Variants in OR11A1 observed in about 807,000 individuals in gnomAD.
OR11A1 encodes the protein olfactory receptor family 11 subfamily A member 1, also known as olfactory receptor 11A1.
For missense variants in OR11A1, 380 were observed against 378.2 expected (o/e 1.00, Z -0.04); for synonymous variants, 158 against 152.2 (o/e 1.04, Z -0.28).
At position 29,430,389 on chromosome 6, in the gene OR11A1, A is replaced by G. The variant is rs1435563048; in HGVS notation, c.-228T>C. On this transcript the variant is annotated 5_prime_UTR_variant, in exon 3 of 5. Transcript: ENST00000377149. Reference sequence around the variant, plus strand: ...ACTCTAGATTATTTTATCTGGTCCAAACTCATTCTGAGGCTTGGAGTCTTT... The same window carrying G: ...ACTCTAGATTATTTTATCTGGTCCAGACTCATTCTGAGGCTTGGAGTCTTT... 2.0e-6 allele frequency: 2 copies of G among 985,284 alleles called. No homozygotes were observed. Among genetic ancestry groups the G allele is most frequent in the African/African-American group, 1.7e-5 (1 of 57,200 alleles). 61.0% of individuals were successfully genotyped at this position (985,284 alleles called of 1,614,324 possible). A position where few individuals can be genotyped will look rare whatever the true frequency, so the allele number is the denominator to read the frequency against.
At chr6:29,456,058 C>G (rs539367646) in intron 1 of OR11A1, among the ~76,000 whole-genome samples, 1 of 151,314 alleles carries the variant, frequency 6.6e-6, no homozygotes, top group Non-Finnish European at 1.5e-5. Flanking sequence ...GGTGAAACAC[C>G]GTCTCTACTA....
At chr6:29,433,435 G>T (rs73398936) in intron 1 of OR11A1, among the ~76,000 whole-genome samples, 7,702 of 152,160 alleles carry the variant, frequency 0.051, 379 homozygotes, top group African/African-American at 0.12. Flanking sequence ...TGAGGTATTT[G>T]TCCTTCTGTG....
chr6:29,448,796 CT>C (rs1561818106), intron 1 of OR11A1, among the ~76,000 whole-genome samples: 2 of 152,200 alleles, frequency 1.3e-5, no homozygotes, highest in South Asian at 2.1e-4. Flanking sequence ...TAAACACCTT[CT>C]TTTTAAAAAT....
At chr6:29,443,407 G>A (rs1388247558) in intron 1 of OR11A1, among the ~76,000 whole-genome samples, 2 of 151,972 alleles carry the variant, frequency 1.3e-5, no homozygotes, top group Non-Finnish European at 2.9e-5. Flanking sequence ...CTTATATTTG[G>A]AGATTTGGCC....
Position 29,431,925 on chromosome 6 carries a change from T to G in OR11A1, c.-326A>C, listed in dbSNP as rs769597178. 26 of 985,280 alleles carry G rather than the reference T, an allele frequency of 2.6e-5. 1 individual carries two copies. The African/African-American group carries it at 3.1e-4, about 12-fold the overall frequency. The allele number at this position is 985,280 out of a possible 1,614,324, so 61.0% of individuals were successfully genotyped here. A position where few individuals can be genotyped will look rare whatever the true frequency, so the allele number is the denominator to read the frequency against. ...TGAGGAGGAGATGATCTGCTAAGAT[T>G]TGCTGAAGACTTCAGAATGTTGGAA... On this transcript the variant is annotated 5_prime_UTR_variant, in exon 2 of 5. Transcript: ENST00000377149.
In OR11A1 at chr6:29,428,956, A is replaced by G; in HGVS notation, c.-135T>C. 4.1e-6 allele frequency: 4 copies of G among 971,268 alleles called. No homozygotes were observed. The highest frequency in any genetic ancestry group is 4.9e-6 in the Non-Finnish European group (4 of 817,330). 60.2% of individuals were successfully genotyped at this position (971,268 alleles called of 1,614,324 possible). A position where few individuals can be genotyped will look rare whatever the true frequency, so the allele number is the denominator to read the frequency against. ...ATGCTATTCAAAGCAATATGTGTTT[A>G]TTAACTGAAGACAATGAGAGAGAAT... is the stretch of plus-strand genomic sequence containing the variant. On this transcript the variant is annotated 5_prime_UTR_variant, in exon 4 of 5. Coordinates refer to ENST00000377149, the MANE Select transcript of OR11A1 (RefSeq NM_001394828.1).
At chr6:29,440,179 A>G (rs1783996229) in intron 1 of OR11A1, 3 of 1,613,700 alleles carry the variant, frequency 1.9e-6, no homozygotes, top group African/African-American at 2.7e-5. Context: ...GCTGCCCTCC[A>G]GTCCCCTATG....
At chr6:29,440,750 C>G (rs138514441) in intron 1 of OR11A1, 1,064 of 1,614,006 alleles carry the variant, frequency 6.6e-4, no homozygotes, top group Non-Finnish European at 7.6e-4. Context: ...CCCACCTGAT[C>G]ATGGTCTCCC....
At chr6:29,436,911 A>G (rs1783672850) in intron 1 of OR11A1, among the ~76,000 whole-genome samples, 2 of 152,238 alleles carry the variant, frequency 1.3e-5, no homozygotes, top group African/African-American at 4.8e-5. Flanking sequence ...TCCTCGCTCA[A>G]GATGGCGCTG....
intron 1 of OR11A1, chr6:29,450,403 G>T (rs773649768): frequency 6.6e-6 from 1 of 152,154 alleles, no homozygotes; most frequent in Non-Finnish European, 1.5e-5. Flanking sequence ...ATTATGTCCC[G>T]GGTATAGAAT....
rs578201513 is a variant in OR11A1 at position 29,427,740 on chromosome 6, A to T, written c.-91-8T>A. ...AGCCTAACGTTATTAGAGCTAAAAC[A>T]AAACAAAACAAAAAAGACAAAAATG... is the stretch of plus-strand genomic sequence containing the variant. On this transcript the variant is annotated splice_region_variant and splice_polypyrimidine_tract_variant and intron_variant, in intron 4 of 4. Coordinates refer to ENST00000377149, the MANE Select transcript of OR11A1 (RefSeq NM_001394828.1). The T allele has an allele frequency of 6.9e-7, 1 of 1,457,320 alleles. No individual in the cohort carries two copies. The highest frequency in any genetic ancestry group is 2.5e-5 in the East Asian group (1 of 40,566). The allele number at this position is 1,457,320 out of a possible 1,614,324, so 90.3% of individuals were successfully genotyped here.
rs1785616775 is a variant in OR11A1, at chr6:29,453,128, G to C, written c.-389+3859C>G. Among the ~76,000 whole-genome samples the C allele has an allele frequency of 6.7e-6, 1 of 149,000 alleles. No individual in the cohort carries two copies. Among genetic ancestry groups the C allele is most frequent in the Non-Finnish European group, 1.5e-5 (1 of 67,080 alleles). On this transcript the variant is annotated intron_variant, in intron 1 of 4. Coordinates refer to ENST00000377149, the MANE Select transcript of OR11A1 (RefSeq NM_001394828.1). This position sits in a 1 kb window ranked among gnomAD's most constrained non-coding sequence, Gnocchi z 4.5. Reference sequence around the variant, plus strand: ...AACTTGCACTTTAAATATAAAGACAGCTTAATCATAAATACACTTATAGAT... The same window carrying C: ...AACTTGCACTTTAAATATAAAGACACCTTAATCATAAATACACTTATAGAT...
intron 1 of OR11A1, chr6:29,439,704 C>T (rs1194141731): frequency 5.0e-6 from 2 of 403,008 alleles, no homozygotes; most frequent in Non-Finnish European, 8.8e-6. Context: ...ACTTAATCTT[C>T]AGCCCAGGTA....
At chr6:29,440,890 G>C in intron 1 of OR11A1, 1 of 1,613,702 alleles carries the variant, frequency 6.2e-7, no homozygotes, top group Non-Finnish European at 8.5e-7. Flanking sequence ...TACAGCCTGC[G>C]GAACACAGAG....
In OR11A1 at chr6:29,440,682, AC is replaced by A. The variant is rs749413460; in HGVS notation, c.-388-8696del. The A allele has an allele frequency of 6.2e-6, 10 of 1,613,926 alleles. No individual in the cohort carries two copies. In the African/African-American group the frequency reaches 9.3e-5, roughly 15 times the overall value. ...GGGCTCCTACGGGCGTATCCTCGTT[AC>A]CATCTTCCGGATCCCATCTGTTGCG... On this transcript the variant is annotated intron_variant, in intron 1 of 4. Coordinates refer to ENST00000377149, the MANE Select transcript of OR11A1 (RefSeq NM_001394828.1).
Position 29,427,701 on chromosome 6 carries a change from C to T in OR11A1, c.-60G>A, listed in dbSNP as rs2151360142. On this transcript the variant is annotated 5_prime_UTR_variant, in exon 5 of 5. The change abolishes an upstream ATG in the 5' untranslated region. Transcript: ENST00000377149. Reference sequence around the variant, plus strand: ...GGGGAGAAATTTTAGCATGTCTCTGCATCTTCTATACCAAGCCTAACGTTA... The same window carrying T: ...GGGGAGAAATTTTAGCATGTCTCTGTATCTTCTATACCAAGCCTAACGTTA... 1 of 1,551,336 alleles carries T rather than the reference C, an allele frequency of 6.4e-7. No homozygotes were observed. The highest frequency in any genetic ancestry group is 8.7e-7 in the Non-Finnish European group (1 of 1,150,000).
chr6:29,456,963 G>A (rs1240055895), intron 1 of OR11A1, 24 bp downstream of exon 1: 1 of 152,108 alleles, frequency 6.6e-6, no homozygotes, highest in Non-Finnish European at 1.5e-5. Context: ...CTAAGATTTG[G>A]ATGAAGCTGA....
At chr6:29,455,247 C>T (rs1283514733) in intron 1 of OR11A1, among the ~76,000 whole-genome samples, 3 of 152,096 alleles carry the variant, frequency 2.0e-5, no homozygotes, top group African/African-American at 7.2e-5. Context: ...GAAAAAATAG[C>T]ACAGTGCATT....
chr6:29,445,285 G>A (rs754928310), intron 1 of OR11A1, among the ~76,000 whole-genome samples: 1 of 152,168 alleles, frequency 6.6e-6, no homozygotes, highest in Non-Finnish European at 1.5e-5. Context: ...GATTACAGGC[G>A]TGAGCCACTG....
Sources: gnomAD v4.1 joint callset for allele counts (sites outside exome capture counted in the v4.1 genomes callset) on GRCh38, gnomAD v4.1.1 for gene constraint, Gnocchi (gnomAD v3.1) non-coding constraint, MANE v1.5 for transcripts, NCBI Gene and HGNC (gene_info 2026-07-23, HGNC 2026-07-21) for gene names.